VIPR2: variants seen among roughly 807,000 people sequenced by gnomAD.
The protein encoded by VIPR2 is vasoactive intestinal polypeptide receptor 2.
VIPR2 carries 48 observed loss-of-function variants against 58.0 expected under a neutral mutation model. The ratio of observed to expected loss-of-function variants is 0.83; its 90% CI spans 0.66 to 1.05. The LOEUF is 1.05. Among genes scored for constraint, VIPR2 ranks in the 50% least tolerant of loss-of-function variants. VIPR2 has a pLI of 0.00. For synonymous variants in VIPR2, 243 were observed against 235.2 expected (o/e 1.03, Z -0.30); for missense variants, 534 against 558.0 (o/e 0.96, Z 0.43).
Position 159,098,879 on chromosome 7 carries a change from T to C in VIPR2, c.357+4878A>G, listed in dbSNP as rs920253988. Reference sequence around the variant, plus strand: ...TGTGAATCTGGGAAGCAAGTGGGCCTGATGGGACGAAGCGTGAGCTCCGGG... The same window carrying C: ...TGTGAATCTGGGAAGCAAGTGGGCCCGATGGGACGAAGCGTGAGCTCCGGG... On this transcript the variant is annotated intron_variant, in intron 4 of 12. Transcript: ENST00000262178. The surrounding 1 kb of genome is among the most constrained non-coding windows in gnomAD (Gnocchi z 5.2). Among the ~76,000 whole-genome samples the C allele has an allele frequency of 2.6e-5, 4 of 152,240 alleles. No homozygotes were observed. The highest frequency in any genetic ancestry group is 6.5e-5 in the Admixed American group (1 of 15,286).
intron 8 of VIPR2, among the ~76,000 whole-genome samples, chr7:159,035,432 T>G (rs935053317): frequency 1.3e-5 from 2 of 152,224 alleles, no homozygotes; most frequent in Admixed American, 6.5e-5. Flanking sequence ...AGTGGGTAAC[T>G]GATGCACACT....
At chr7:159,119,259 CCT>C (rs1364126028) in intron 2 of VIPR2, among the ~76,000 whole-genome samples, 2 of 152,180 alleles carry the variant, frequency 1.3e-5, no homozygotes, top group Non-Finnish European at 2.9e-5. Context: ...CCTGGCTGCC[CCT>C]GAGCATGTTG....
rs141967834 is a variant in VIPR2, at chr7:159,097,871, T to G, written c.357+5886A>C. ...TGACAGCTGGGTGGGTTCTCAGGCC[T>G]GGACTGCTGAGGCCAAGGCTTCTGG... On this transcript the variant is annotated intron_variant, in intron 4 of 12. Transcript: ENST00000262178. The surrounding 1 kb of genome is among the most constrained non-coding windows in gnomAD (Gnocchi z 5.3). Among the ~76,000 whole-genome samples, 2 of 152,256 alleles carry G rather than the reference T, an allele frequency of 1.3e-5. No homozygotes were observed. Among genetic ancestry groups the G allele is most frequent in the Non-Finnish European group, 2.9e-5 (2 of 68,022 alleles).
At position 159,093,627 on chromosome 7, in the gene VIPR2, C is replaced by T. The variant is rs1302567793; in HGVS notation, c.357+10130G>A. Among the ~76,000 whole-genome samples the T allele has an allele frequency of 6.6e-6, 1 of 152,232 alleles. No individual in the cohort carries two copies. The highest frequency in any genetic ancestry group is 1.5e-5 in the Non-Finnish European group (1 of 68,044). On this transcript the variant is annotated intron_variant, in intron 4 of 12. Transcript: ENST00000262178. The surrounding 1 kb of genome is among the most constrained non-coding windows in gnomAD (Gnocchi z 6.7). ...GAGCGAGGAGCTGTTCCACCCACAA[C>T]AAGCAGGTGCCCACAGCGTCCCTGG...
intron 2 of VIPR2, among the ~76,000 whole-genome samples, chr7:159,122,559 G>T (rs1482142038): frequency 2.0e-5 from 3 of 152,192 alleles, no homozygotes. Flanking sequence ...GGGTCCGGAG[G>T]GTGCTGGCTG....
In VIPR2 at chr7:159,036,974, G is replaced by A. The variant is rs189906099; in HGVS notation, c.598-72C>T. On this transcript the variant is annotated intron_variant, in intron 6 of 12. Coordinates refer to ENST00000262178, the MANE Select transcript of VIPR2 (RefSeq NM_003382.5). ...ACAGCAGCTACCAGCAGGCAGTGCC[G>A]CTCCAGGACACAGGGCGCTTGGTAT... The A allele has an allele frequency of 1.5e-5, 23 of 1,533,798 alleles. No individual in the cohort carries two copies. In the East Asian group the frequency reaches 2.3e-4, roughly 15 times the overall value.
rs1479189359 is a variant in VIPR2, at chr7:159,128,991, G to C, written c.151+13455C>G. Among the ~76,000 whole-genome samples the C allele has an allele frequency of 6.6e-6, 1 of 152,234 alleles. No individual in the cohort carries two copies. Among genetic ancestry groups the C allele is most frequent in the Non-Finnish European group, 1.5e-5 (1 of 68,044 alleles). On this transcript the variant is annotated intron_variant, in intron 2 of 12. Transcript: ENST00000262178. The surrounding 1 kb of genome is among the most constrained non-coding windows in gnomAD (Gnocchi z 4.1). Reference sequence around the variant, plus strand: ...TAAATGCACCCCCTCCCTCCTGTGAGCTCCCACAGCACATTTTGGTGCCAG... The same window carrying C: ...TAAATGCACCCCCTCCCTCCTGTGACCTCCCACAGCACATTTTGGTGCCAG...
At chr7:159,042,801 A>C (rs2129493440) in intron 6 of VIPR2, among the ~76,000 whole-genome samples, 1 of 152,242 alleles carries the variant, frequency 6.6e-6, no homozygotes, top group Non-Finnish European at 1.5e-5. Context: ...TTCACTTCCC[A>C]GCCCTGATGA....
At chr7:159,054,507 G>A (rs1349073402) in intron 5 of VIPR2, among the ~76,000 whole-genome samples, 1 of 152,148 alleles carries the variant, frequency 6.6e-6, no homozygotes, top group Admixed American at 6.5e-5. Flanking sequence ...AGAAAAATGA[G>A]CAAACTCATT....
chr7:159,091,856 A>C (rs1857526172), intron 4 of VIPR2, among the ~76,000 whole-genome samples: 1 of 152,222 alleles, frequency 6.6e-6, no homozygotes, highest in South Asian at 2.1e-4. Context: ...GGCCAGGGGC[A>C]GGGGCTCATG....
chr7:159,089,888 A>G (rs1322367380), intron 4 of VIPR2, among the ~76,000 whole-genome samples: 1 of 152,278 alleles, frequency 6.6e-6, no homozygotes, highest in Non-Finnish European at 1.5e-5. Flanking sequence ...GGGAAGGGAG[A>G]AGTTACACGT....
intron 2 of VIPR2, among the ~76,000 whole-genome samples, chr7:159,134,264 G>A (rs1303075560): frequency 2.0e-5 from 3 of 152,192 alleles, no homozygotes; most frequent in Admixed American, 6.5e-5. Context: ...CTAATTCACA[G>A]TGCATATCAG....
chr7:159,033,310 T>G (rs910195151), intron 10 of VIPR2, among the ~76,000 whole-genome samples: 9 of 152,138 alleles, frequency 5.9e-5, no homozygotes, highest in African/African-American at 1.7e-4. Context: ...AAAAGGGAAA[T>G]GCAGGCCAGG....
rs147777644 is a variant in VIPR2 at position 159,118,321 on chromosome 7, G to A, written c.152-8402C>T. ...GGAAAAGACCTGCAGGAGGAATTCC[G>A]ATTGCCTGGTTGTGATGGAGTGTGC... On this transcript the variant is annotated intron_variant, in intron 2 of 12. Transcript: ENST00000262178. Among the ~76,000 whole-genome samples the A allele has an allele frequency of 4.3e-3, 651 of 152,348 alleles. 7 individuals carry two copies. The highest frequency in any genetic ancestry group is 0.021 in the South Asian group (103 of 4,824).
At chr7:159,101,517 C>T (rs544727140) in intron 4 of VIPR2, among the ~76,000 whole-genome samples, 10 of 127,642 alleles carry the variant, frequency 7.8e-5, no homozygotes, top group South Asian at 2.7e-4. Flanking sequence ...TGGTAGTGAA[C>T]GGGTCTCACG....
intron 4 of VIPR2, among the ~76,000 whole-genome samples, chr7:159,102,004 GAGAT>G (rs1858303045): frequency 8.5e-6 from 1 of 117,610 alleles, no homozygotes; most frequent in Non-Finnish European, 2.0e-5. Context: ...TGAGTCTCAC[GAGAT>G]CCGACGAGGC....
chr7:159,030,042 T>C lies in VIPR2; in HGVS notation c.*574A>G, dbSNP rs1252174593. On this transcript the variant is annotated 3_prime_UTR_variant, in exon 13 of 13. Coordinates refer to ENST00000262178, the MANE Select transcript of VIPR2 (RefSeq NM_003382.5). Reference sequence around the variant, plus strand: ...CACACAACTGCGTTTCCACATTTCCTCCTTGGCTCCCCTATTCTCTTGGGC... The same window carrying C: ...CACACAACTGCGTTTCCACATTTCCCCCTTGGCTCCCCTATTCTCTTGGGC... 6.6e-6 allele frequency: 1 copy of C among 152,262 alleles called. No homozygotes were observed. The highest frequency in any genetic ancestry group is 1.5e-5 in the Non-Finnish European group (1 of 68,150). 9.4% of individuals were successfully genotyped at this position (152,262 alleles called of 1,614,324 possible). A position where few individuals can be genotyped will look rare whatever the true frequency, so the allele number is the denominator to read the frequency against.
At chr7:159,101,899 C>T (rs539693798) in intron 4 of VIPR2, among the ~76,000 whole-genome samples, 26 of 139,140 alleles carry the variant, frequency 1.9e-4, no homozygotes, top group African/African-American at 4.5e-4. Flanking sequence ...ACGGGTCTCA[C>T]GAGATCCGAC....
intron 2 of VIPR2, among the ~76,000 whole-genome samples, chr7:159,125,578 C>T (rs994509300): frequency 6.6e-6 from 1 of 152,192 alleles, no homozygotes; most frequent in Non-Finnish European, 1.5e-5. Flanking sequence ...TCCGGTATGT[C>T]CTAGGGCCAG....
Sources: allele counts gnomAD v4.1 joint callset (sites outside exome capture counted in the v4.1 genomes callset), GRCh38; gene constraint gnomAD v4.1.1; non-coding constraint Gnocchi (gnomAD v3.1); transcripts MANE v1.5; gene names NCBI Gene and HGNC (gene_info 2026-07-23, HGNC 2026-07-21).